The following SPOCK3 variants were observed in gnomAD, a reference collection of about 807,000 sequenced individuals.
The protein encoded by SPOCK3 is SPARC (osteonectin), cwcv and kazal like domains proteoglycan 3, also known as testican-3.
A neutral mutation model predicts 56.6 loss-of-function variants in SPOCK3; 30 were observed. The observed-to-expected ratio is 0.53, with a 90% CI of 0.40 to 0.72. SPOCK3 has a LOEUF of 0.72. SPOCK3 is among the 30% of genes least tolerant of loss of function. SPOCK3 has a pLI of 0.00. For missense variants in SPOCK3, 527 were observed against 530.0 expected (o/e 0.99, Z 0.06); for synonymous variants, 196 against 183.3 (o/e 1.07, Z -0.56).
At chr4:167,143,620 T>G (rs1246686954) in intron 2 of SPOCK3, among the ~76,000 whole-genome samples, 2 of 151,870 alleles carry the variant, frequency 1.3e-5, no homozygotes, top group Non-Finnish European at 2.9e-5. Flanking sequence ...CAGCTGCCAT[T>G]TTTTTACATT....
intron 2 of SPOCK3, among the ~76,000 whole-genome samples, chr4:167,195,066 G>A (rs944299343): frequency 6.6e-6 from 1 of 152,178 alleles, no homozygotes; most frequent in Non-Finnish European, 1.5e-5. Flanking sequence ...GTCCTGCTGG[G>A]TTCCAGGGTG....
intron 8 of SPOCK3, among the ~76,000 whole-genome samples, chr4:166,753,128 T>G (rs1736641821): frequency 6.6e-6 from 1 of 151,702 alleles, no homozygotes; most frequent in Admixed American, 6.6e-5. Context: ...CAAAGCATTC[T>G]GAGTTATTCA....
At chr4:167,192,225 T>C (rs1732529653) in intron 2 of SPOCK3, among the ~76,000 whole-genome samples, 1 of 146,106 alleles carries the variant, frequency 6.8e-6, no homozygotes, top group Non-Finnish European at 1.5e-5. Flanking sequence ...TTCAGGGATA[T>C]TGGCTTATAA....
intron 2 of SPOCK3, among the ~76,000 whole-genome samples, chr4:167,115,781 A>T (rs1053086407): frequency 1.3e-5 from 2 of 152,024 alleles, no homozygotes; most frequent in African/African-American, 4.8e-5. Context: ...GCCAGAAGAC[A>T]GGGGAAAGTT....
intron 7 of SPOCK3, among the ~76,000 whole-genome samples, chr4:166,782,432 A>G (rs1333782587): frequency 6.6e-6 from 1 of 152,210 alleles, no homozygotes; most frequent in Non-Finnish European, 1.5e-5. Flanking sequence ...GAAAAAGAGT[A>G]AGGGTATAGA....
intron 8 of SPOCK3, among the ~76,000 whole-genome samples, chr4:166,747,517 C>T (rs1735796212): frequency 6.6e-6 from 1 of 152,176 alleles, no homozygotes; most frequent in Non-Finnish European, 1.5e-5. Context: ...GACAAACCCA[C>T]AGCCAATATC....
At chr4:167,090,187 G>T (rs907817162) in intron 2 of SPOCK3, among the ~76,000 whole-genome samples, 43 of 152,250 alleles carry the variant, frequency 2.8e-4, no homozygotes, top group African/African-American at 1.0e-3. Context: ...TTAACTGTAA[G>T]AAACTGCCAA....
chr4:166,842,534 G>T (rs1449497429), intron 6 of SPOCK3, among the ~76,000 whole-genome samples: 1 of 152,170 alleles, frequency 6.6e-6, no homozygotes, highest in Non-Finnish European at 1.5e-5. Context: ...GACACAAGGT[G>T]CTGATTGGTG....
intron 4 of SPOCK3, among the ~76,000 whole-genome samples, chr4:166,958,568 G>C (rs1412311966): frequency 2.0e-5 from 3 of 152,104 alleles, no homozygotes; most frequent in East Asian, 3.9e-4. Context: ...AAAGCAACTA[G>C]AGTGATCCTT....
At chr4:166,983,703 T>C (rs1045980459) in intron 4 of SPOCK3, among the ~76,000 whole-genome samples, 4 of 152,074 alleles carry the variant, frequency 2.6e-5, no homozygotes, top group Non-Finnish European at 5.9e-5. Context: ...TATAATAATG[T>C]CTTAATTAAA....
chr4:167,205,282 A>G (rs1210490937), intron 2 of SPOCK3, among the ~76,000 whole-genome samples: 1 of 54,134 alleles, frequency 1.8e-5, no homozygotes, highest in African/African-American at 6.4e-5. Flanking sequence ...TATATATTAT[A>G]TATATTTTAT....
At chr4:166,754,431 GT>G in intron 8 of SPOCK3, 76 bp downstream of exon 8, 3 of 1,528,548 alleles carry the variant, frequency 2.0e-6, no homozygotes, top group Non-Finnish European at 2.6e-6. Context: ...ATAGTGTACT[GT>G]TTTATTTTCT....
At chr4:166,904,401 T>C (rs2127068149) in intron 5 of SPOCK3, among the ~76,000 whole-genome samples, 1 of 152,222 alleles carries the variant, frequency 6.6e-6, no homozygotes, top group Non-Finnish European at 1.5e-5. Flanking sequence ...CTTAAAAGAA[T>C]ATTTTGTTTG....
intron 4 of SPOCK3, among the ~76,000 whole-genome samples, chr4:166,927,089 GA>G (rs1353068631): frequency 6.6e-6 from 1 of 152,120 alleles, no homozygotes; most frequent in Non-Finnish European, 1.5e-5. Flanking sequence ...AGTTAAGGTA[GA>G]AAATATGGAT....
intron 6 of SPOCK3, among the ~76,000 whole-genome samples, chr4:166,810,749 A>T (rs1193911355): frequency 1.3e-5 from 2 of 151,912 alleles, no homozygotes; most frequent in African/African-American, 2.4e-5. Context: ...TATGGATGAG[A>T]AGGACCTATT....
At chr4:166,747,007 A>T (rs1735708821) in intron 8 of SPOCK3, among the ~76,000 whole-genome samples, 1 of 152,190 alleles carries the variant, frequency 6.6e-6, no homozygotes, top group Non-Finnish European at 1.5e-5. Context: ...CTACCAACCA[A>T]AAAAAGTCCA....
chr4:167,079,733 TCAAA>T (rs1005347375), intron 2 of SPOCK3, among the ~76,000 whole-genome samples: 2 of 152,026 alleles, frequency 1.3e-5, no homozygotes, highest in African/African-American at 4.8e-5. Context: ...AAATTCGATA[TCAAA>T]CACTTTTAAG....
At chr4:167,128,822 G>C (rs1014340780) in intron 2 of SPOCK3, among the ~76,000 whole-genome samples, 2 of 152,124 alleles carry the variant, frequency 1.3e-5, no homozygotes, top group African/African-American at 4.8e-5. Context: ...TGTCTCTTCT[G>C]TTAGGTTTAC....
chr4:166,798,723 C>T (rs929483123), intron 6 of SPOCK3, among the ~76,000 whole-genome samples: 2 of 151,982 alleles, frequency 1.3e-5, no homozygotes, highest in Admixed American at 6.6e-5. Flanking sequence ...AGACAGTACC[C>T]AACTACAATG....
Sources: gnomAD v4.1 joint callset for allele counts (sites outside exome capture counted in the v4.1 genomes callset) on GRCh38, gnomAD v4.1.1 for gene constraint, MANE v1.5 for transcripts, NCBI Gene and HGNC (gene_info 2026-07-23, HGNC 2026-07-21) for gene names.